Variants in DPH6 observed in about 807,000 individuals in gnomAD.
DPH6 encodes the protein diphthamine biosynthesis 6.
A neutral mutation model predicts 38.2 loss-of-function variants in DPH6; 33 were observed. The ratio of observed to expected loss-of-function variants is 0.86; its 90% CI spans 0.65 to 1.15. The LOEUF is 1.15. Ranked by LOEUF, DPH6 falls within the 50% of genes most tolerant of loss-of-function variation. The pLI is 0.00. For missense variants in DPH6, 325 were observed against 320.0 expected (o/e 1.02, Z -0.12); for synonymous variants, 108 against 103.0 (o/e 1.05, Z -0.30).
chr15:35,531,040 T>G (rs2055079848), intron 3 of DPH6, among the ~76,000 whole-genome samples: 1 of 152,326 alleles, frequency 6.6e-6, no homozygotes, highest in African/African-American at 2.4e-5. Flanking sequence ...TACAGGGCTG[T>G]GTGCCTGTTT....
At chr15:35,220,054 T>G (rs996871031) in exon 4 of DPH6, 1 of 152,342 alleles carries the variant, frequency 6.6e-6, no homozygotes, top group African/African-American at 2.4e-5. Context: ...TGTTACACAT[T>G]TATTATGAAA....
intron 3 of DPH6, among the ~76,000 whole-genome samples, chr15:35,473,112 C>T (rs967706195): frequency 3.3e-5 from 5 of 152,030 alleles, no homozygotes; most frequent in African/African-American, 1.2e-4. Flanking sequence ...CTAAGATGCT[C>T]GGTTTCAAAC....
chr15:35,385,551 G>A (rs1178795345), intron 6 of DPH6, among the ~76,000 whole-genome samples: 1 of 152,082 alleles, frequency 6.6e-6, no homozygotes, highest in Admixed American at 6.5e-5. Flanking sequence ...ACTCATAAGT[G>A]GGAGTTGAAC....
At chr15:35,248,056 G>A (rs144819831) in intron 3 of DPH6, among the ~76,000 whole-genome samples, 1 of 152,282 alleles carries the variant, frequency 6.6e-6, no homozygotes, top group African/African-American at 2.4e-5. Context: ...CAATCTTTAT[G>A]TACTAAAAAA....
At chr15:35,154,132 G>A in the DPH6 span, among the ~76,000 whole-genome samples, 1 of 152,174 alleles carries the variant, frequency 6.6e-6, no homozygotes, top group Non-Finnish European at 1.5e-5. Context: ...GGGTGAAGAT[G>A]GTTAACAGTA....
chr15:35,358,277 T>G (rs1030948480), intron 3 of DPH6, among the ~76,000 whole-genome samples: 6 of 152,254 alleles, frequency 3.9e-5, no homozygotes, highest in Admixed American at 3.3e-4. Flanking sequence ...TATTTCTCCC[T>G]TCATTTCTTG....
chr15:35,412,536 T>A (rs2053380327), intron 5 of DPH6, among the ~76,000 whole-genome samples: 1 of 151,760 alleles, frequency 6.6e-6, no homozygotes, highest in Non-Finnish European at 1.5e-5. Flanking sequence ...CATGGATATT[T>A]ATAGCAGTTT....
intron 3 of DPH6, among the ~76,000 whole-genome samples, chr15:35,504,702 A>T (rs2054671675): frequency 6.6e-6 from 1 of 152,070 alleles, no homozygotes; most frequent in African/African-American, 2.4e-5. Flanking sequence ...GGAAAGATAA[A>T]TTAATGCATC....
intron 3 of DPH6, among the ~76,000 whole-genome samples, chr15:35,317,303 AAGAG>A (rs1451120458): frequency 6.6e-6 from 1 of 151,212 alleles, no homozygotes; most frequent in Non-Finnish European, 1.5e-5. Flanking sequence ...GAAAGAAGGA[AAGAG>A]AGAAAGAAGG....
intron 3 of DPH6, among the ~76,000 whole-genome samples, chr15:35,273,270 C>G (rs762401931): frequency 6.6e-6 from 1 of 152,074 alleles, no homozygotes; most frequent in African/African-American, 2.4e-5. Flanking sequence ...ATACAGCACC[C>G]AATTTGTAGT....
intron 5 of DPH6, among the ~76,000 whole-genome samples, chr15:35,420,878 AG>A (rs1032947358): frequency 2.0e-5 from 3 of 152,316 alleles, no homozygotes; most frequent in African/African-American, 7.2e-5. Flanking sequence ...TAAGAAAAAC[AG>A]GGGCAGGACT....
intron 5 of DPH6, among the ~76,000 whole-genome samples, chr15:35,412,020 T>G (rs1353061908): frequency 6.6e-6 from 1 of 151,534 alleles, no homozygotes; most frequent in Non-Finnish European, 1.5e-5. Context: ...TTCATTAAAA[T>G]TAAAAAACCT....
At chr15:35,306,150 C>G (rs1268911317) in intron 3 of DPH6, among the ~76,000 whole-genome samples, 3 of 152,318 alleles carry the variant, frequency 2.0e-5, no homozygotes, top group Middle Eastern at 3.4e-3. Context: ...AAATCTACAG[C>G]TCATTCTATA....
intron 3 of DPH6, among the ~76,000 whole-genome samples, chr15:35,295,512 C>G (rs2052008779): frequency 6.6e-6 from 1 of 152,196 alleles, no homozygotes; most frequent in Non-Finnish European, 1.5e-5. Context: ...CACTACCAGA[C>G]TACACCACCA....
At chr15:35,327,108 C>A (rs1356438585), downstream of DPH6, among the ~76,000 whole-genome samples, 1 of 152,204 alleles carries the variant, frequency 6.6e-6, no homozygotes, top group Non-Finnish European at 1.5e-5. Flanking sequence ...TATAAAATGT[C>A]CAAATTTCCA....
At chr15:35,266,757 G>A (rs1195446072) in intron 3 of DPH6, among the ~76,000 whole-genome samples, 1 of 152,122 alleles carries the variant, frequency 6.6e-6, no homozygotes, top group African/African-American at 2.4e-5. Context: ...CCAATAATCA[G>A]TAATAATTGT....
At chr15:35,354,159 A>G (rs1201359814) in intron 3 of DPH6, among the ~76,000 whole-genome samples, 1 of 152,210 alleles carries the variant, frequency 6.6e-6, no homozygotes, top group Non-Finnish European at 1.5e-5. Context: ...GAAGTTGCCT[A>G]TCAGCTTAAG....
intron 3 of DPH6, chr15:35,237,478 C>A (rs148414184): frequency 1.3e-6 from 2 of 1,583,918 alleles, no homozygotes; most frequent in Non-Finnish European, 1.7e-6. Context: ...GTGCAACCAA[C>A]GTAGGCCTCA....
At chr15:35,335,403 CTTTAG>C (rs1215634317) in intron 3 of DPH6, among the ~76,000 whole-genome samples, 2 of 151,934 alleles carry the variant, frequency 1.3e-5, no homozygotes, top group African/African-American at 2.4e-5. Flanking sequence ...CTGCTATGCT[CTTTAG>C]TTTAATTAGA....
Sources: gnomAD v4.1 joint callset for allele counts (sites outside exome capture counted in the v4.1 genomes callset) on GRCh38, gnomAD v4.1.1 for gene constraint, MANE v1.5 for transcripts, NCBI Gene and HGNC (gene_info 2026-07-23, HGNC 2026-07-21) for gene names.